The following FRMD4B variants were observed in gnomAD, a reference collection of about 807,000 sequenced individuals.
FRMD4B encodes FERM domain-containing protein 4B.
In FRMD4B, 74 loss-of-function variants were observed where a neutral mutation model predicts 141.5. That is an observed-to-expected ratio of 0.52 (90% CI 0.43 to 0.63). FRMD4B has a LOEUF of 0.63. Among genes scored for constraint, FRMD4B ranks in the 30% least tolerant of loss-of-function variants. FRMD4B has a pLI of 0.00. For synonymous variants in FRMD4B, 506 were observed against 467.9 expected (o/e 1.08, Z -1.05); for missense variants, 1,366 against 1,253.4 (o/e 1.09, Z -1.36).
At chr3:69,516,341 G>A (rs961599181) in intron 1 of FRMD4B, among the ~76,000 whole-genome samples, 3 of 152,124 alleles carry the variant, frequency 2.0e-5, no homozygotes, top group Non-Finnish European at 2.9e-5. Context: ...ATCTTAAGAC[G>A]GGGATGTTAT....
At chr3:69,489,033 C>T (rs535354105) in intron 1 of FRMD4B, among the ~76,000 whole-genome samples, 8 of 151,274 alleles carry the variant, frequency 5.3e-5, no homozygotes, top group African/African-American at 1.7e-4. Context: ...AAGGGTGATA[C>T]ATTGGACATC....
At chr3:69,472,242 T>C in intron 1 of FRMD4B, 2 of 322,558 alleles carry the variant, frequency 6.2e-6, no homozygotes, top group Admixed American at 6.7e-5. Flanking sequence ...AGACTGTGAG[T>C]TCAGCATGTC....
chr3:69,183,259 C>A (rs978086179), intron 19 of FRMD4B, among the ~76,000 whole-genome samples: 1 of 152,096 alleles, frequency 6.6e-6, no homozygotes, highest in African/African-American at 2.4e-5. Context: ...AATTTCATAT[C>A]ATTTTTACAG....
At chr3:69,314,541 A>AT (rs1464163637) in intron 1 of FRMD4B, among the ~76,000 whole-genome samples, 8 of 150,950 alleles carry the variant, frequency 5.3e-5, no homozygotes, top group Admixed American at 2.0e-4. Flanking sequence ...AAAAAAAAAA[A>AT]GCCTTTATTC....
chr3:69,438,005 A>G (rs1472271750), intron 1 of FRMD4B, among the ~76,000 whole-genome samples: 3 of 136,154 alleles, frequency 2.2e-5, no homozygotes, highest in African/African-American at 5.6e-5. Context: ...TATATATAAT[A>G]CTGTTATATA....
intron 4 of FRMD4B, among the ~76,000 whole-genome samples, chr3:69,293,350 C>T (rs1700932679): frequency 6.6e-6 from 1 of 151,882 alleles, no homozygotes; most frequent in South Asian, 2.1e-4. Flanking sequence ...GCTGATCAGT[C>T]TTGAGGTCTT....
At chr3:69,519,836 T>G (rs573466963) in intron 1 of FRMD4B, among the ~76,000 whole-genome samples, 1 of 151,854 alleles carries the variant, frequency 6.6e-6, no homozygotes, top group African/African-American at 2.4e-5. Context: ...ATAATTCTTA[T>G]GCCTTTGCAT....
Position 69,187,550 on chromosome 3 carries a change from A to AT in FRMD4B, c.1919+219_1919+220insA, listed in dbSNP as rs1346022116. Among the ~76,000 whole-genome samples the AT allele has an allele frequency of 2.8e-3, 404 of 143,796 alleles. 1 individual carries two copies. Among genetic ancestry groups the AT allele is most frequent in the South Asian group, 9.4e-3 (43 of 4,574 alleles). 94.3% of individuals were successfully genotyped at this position (143,796 alleles called of 152,430 possible). On this transcript the variant is annotated intron_variant, in intron 19 of 22. Transcript: ENST00000398540. ...AGTGAAACTCCACCTCAAAAAAAAAAAAATATATATATATATACATATATA... is the reference window on the plus strand; with the variant it reads ...AGTGAAACTCCACCTCAAAAAAAAAATAAATATATATATATATACATATATA...
Position 69,269,346 on chromosome 3 carries a change from A to G in FRMD4B, c.501+18406T>C, listed in dbSNP as rs188690100. 2.3e-3 allele frequency among the ~76,000 whole-genome samples: 333 copies of G among 141,766 alleles called. 4 individuals carry two copies. Among genetic ancestry groups the G allele is most frequent in the African/African-American group, 8.0e-3 (321 of 39,976 alleles). The allele number at this position is 141,766 out of a possible 152,430, so 93.0% of individuals were successfully genotyped here. A position where few individuals can be genotyped will look rare whatever the true frequency, so the allele number is the denominator to read the frequency against. Reference sequence around the variant, plus strand: ...TCTGTTCCAAGAGCTTTGGATATATATTAATCCATGGGTCCTGTGAGGAGG... The same window carrying G: ...TCTGTTCCAAGAGCTTTGGATATATGTTAATCCATGGGTCCTGTGAGGAGG... On this transcript the variant is annotated intron_variant, in intron 5 of 22. Coordinates refer to ENST00000398540, the MANE Select transcript of FRMD4B (RefSeq NM_015123.3).
chr3:69,200,647 A>C, intron 11 of FRMD4B: 1 of 1,231,948 alleles, frequency 8.1e-7, no homozygotes, highest in East Asian at 5.7e-5. Flanking sequence ...CAGGGAGAGG[A>C]GGGCAAAGTT....
chr3:69,516,034 G>A (rs1009881851), intron 1 of FRMD4B, among the ~76,000 whole-genome samples: 2 of 152,002 alleles, frequency 1.3e-5, no homozygotes, highest in African/African-American at 4.8e-5. Context: ...AGACCAGCCT[G>A]GGCAACAAAG....
intron 1 of FRMD4B, among the ~76,000 whole-genome samples, chr3:69,326,220 G>A (rs1040601034): frequency 3.3e-5 from 5 of 149,620 alleles, no homozygotes; most frequent in African/African-American, 1.2e-4. Flanking sequence ...GCCTCCCATA[G>A]TGCTGGGATT....
intron 5 of FRMD4B, among the ~76,000 whole-genome samples, chr3:69,270,576 T>C (rs867116464): frequency 1.1e-3 from 165 of 151,582 alleles, no homozygotes; most frequent in African/African-American, 3.8e-3. Context: ...TTTCTTTTTT[T>C]TTTTTTTTGA....
intron 1 of FRMD4B, among the ~76,000 whole-genome samples, chr3:69,453,736 T>C (rs372662319): frequency 4.6e-5 from 7 of 152,240 alleles, no homozygotes; most frequent in East Asian, 1.9e-4. Flanking sequence ...GATGATTATC[T>C]GACGCTTTGA....
rs2092700294 is a variant in FRMD4B, at chr3:69,180,935, A to G, written c.2815T>C (p.Cys939Arg). The change falls in exon 21 of 23, where the codon TGT (cysteine) becomes CGT (arginine). Residue 939 changes from cysteine to arginine, a missense_variant. By Grantham distance (180) the Cys-to-Arg change is radical. Transcript: ENST00000398540. Reference sequence around the variant, plus strand: ...GAGGATGCACGACTGCTTGGAGAACAAGGTACTTGCAGCCCCGCAAACCCC... The same window carrying G: ...GAGGATGCACGACTGCTTGGAGAACGAGGTACTTGCAGCCCCGCAAACCCC... ...CLGFAGLQVP[C>R]SPSSRASSYS... The G allele has an allele frequency of 6.2e-7, 1 of 1,611,876 alleles. No homozygotes were observed. Among genetic ancestry groups the G allele is most frequent in the Non-Finnish European group, 8.5e-7 (1 of 1,178,230 alleles).
At chr3:69,260,196 C>A (rs2106845801) in intron 5 of FRMD4B, among the ~76,000 whole-genome samples, 1 of 152,324 alleles carries the variant, frequency 6.6e-6, no homozygotes, top group East Asian at 1.9e-4. Flanking sequence ...CCCACCGCTG[C>A]ACTGTAGGAG....
chr3:69,252,724 A>C lies in FRMD4B; in HGVS notation c.502-2625T>G, dbSNP rs146809859. The stretch of plus-strand genomic sequence containing the variant: ...GCCTGAAGTGTAAAAGCTGTTTTGG[A>C]AGTGCCGTCTGCCCAGGACAGAACA... On this transcript the variant is annotated intron_variant, in intron 5 of 22. Transcript: ENST00000398540. Among the ~76,000 whole-genome samples the C allele has an allele frequency of 8.0e-3, 1,213 of 152,300 alleles. 48 individuals are homozygous for C. The highest frequency in any genetic ancestry group is 0.062 in the Admixed American group (941 of 15,280).
In FRMD4B at chr3:69,502,308, A is replaced by G. The variant is rs577615232; in HGVS notation, c.-129+39898T>C. 2.0e-5 allele frequency among the ~76,000 whole-genome samples: 3 copies of G among 152,376 alleles called. No individual in the cohort carries two copies. In the South Asian group the frequency reaches 6.2e-4, roughly 32 times the overall value. ...ACTACAAGGCTACAGTAACCAAAAC[A>G]GCATAATAGTGGTACCAAAACAGAG... On this transcript the variant is annotated intron_variant, in intron 1 of 5. Coordinates refer to the FRMD4B transcript ENST00000459638.
chr3:69,256,803 C>T (rs1401649081), intron 5 of FRMD4B, among the ~76,000 whole-genome samples: 1 of 152,156 alleles, frequency 6.6e-6, no homozygotes, highest in Non-Finnish European at 1.5e-5. Context: ...ACATTTGCAC[C>T]CCACTCCTAC....
Sources: gnomAD v4.1 joint callset for allele counts (sites outside exome capture counted in the v4.1 genomes callset) on GRCh38, gnomAD v4.1.1 for gene constraint, MANE v1.5 for transcripts, NCBI Gene and HGNC (gene_info 2026-07-23, HGNC 2026-07-21) for gene names.